The following PPP1R3B variants were observed in gnomAD, a reference collection of about 807,000 sequenced individuals.
PPP1R3B encodes the protein PP1 subunit R4.
A neutral mutation model predicts 14.6 loss-of-function variants in PPP1R3B; 8 were observed. That is an observed-to-expected ratio of 0.55 (90% confidence interval 0.32 to 0.99). The LOEUF (loss-of-function observed/expected upper bound fraction) is 0.99, where lower values mean the gene tolerates loss of function less well. Among genes scored for constraint, PPP1R3B ranks in the 50% least tolerant of loss-of-function variants. The pLI is 0.04. For missense variants in PPP1R3B, 452 were observed against 360.1 expected (o/e 1.26, Z -2.07); for synonymous variants, 169 against 142.0 (o/e 1.19, Z -1.35).
At chr8:9,142,818 G>A (rs967383297) in intron 1 of PPP1R3B, among the ~76,000 whole-genome samples, 23 of 152,106 alleles carry the variant, frequency 1.5e-4, no homozygotes, top group Admixed American at 1.3e-3. Context: ...GTTCATCCCC[G>A]TTGGCACAAA....
At chr8:9,148,258 A>C (rs1484559801) in intron 1 of PPP1R3B, among the ~76,000 whole-genome samples, 1 of 152,218 alleles carries the variant, frequency 6.6e-6, no homozygotes, top group African/African-American at 2.4e-5. Context: ...AAATGACATG[A>C]AAATGATCGG....
At position 9,141,620 on chromosome 8, in the gene PPP1R3B, T is replaced by C. The variant is rs751576940; in HGVS notation, c.32A>G (p.Asn11Ser). The C allele has an allele frequency of 2.5e-5, 41 of 1,613,736 alleles. No homozygotes were observed. Among genetic ancestry groups the C allele is most frequent in the Non-Finnish European group, 3.3e-5 (39 of 1,179,990 alleles). ...TTGGCGCAAGGAAGGAGCCATGCAGTTGTATCTGTACTCGATGTCCACAGC... is the reference window on the plus strand; with the variant it reads ...TTGGCGCAAGGAAGGAGCCATGCAGCTGTATCTGTACTCGATGTCCACAGC... The part of the protein sequence containing the change: MMAVDIEYRY[N>S]CMAPSLRQER... Residue 11 changes from asparagine to serine, a missense_variant, in exon 2 of 2, where the codon AAC becomes AGC. Asn to Ser is a conservative substitution (Grantham distance 46). Transcript: ENST00000310455.
At chr8:9,144,529 A>G (rs941569418) in intron 1 of PPP1R3B, among the ~76,000 whole-genome samples, 1 of 152,148 alleles carries the variant, frequency 6.6e-6, no homozygotes, top group East Asian at 1.9e-4. Flanking sequence ...AATTGGTACA[A>G]ACTTTCTAAT....
intron 1 of PPP1R3B, among the ~76,000 whole-genome samples, chr8:9,147,649 C>G (rs903272305): frequency 1.3e-5 from 2 of 151,972 alleles, no homozygotes; most frequent in Non-Finnish European, 2.9e-5. Context: ...AGAGACTTAG[C>G]TGAAGACCTT....
At chr8:9,147,383 C>A (rs568640670) in intron 1 of PPP1R3B, among the ~76,000 whole-genome samples, 1 of 152,124 alleles carries the variant, frequency 6.6e-6, no homozygotes, top group Non-Finnish European at 1.5e-5. Flanking sequence ...CCTGAAAAAT[C>A]TGGGTGTGAA....
rs572876230 is a variant in PPP1R3B, at chr8:9,140,661, A to G, written c.*133T>C. 11 of 865,580 alleles carry G rather than the reference A, an allele frequency of 1.3e-5. No homozygotes were observed. The East Asian group carries it at 2.6e-4, about 20-fold the overall frequency. The allele number at this position is 865,580 out of a possible 1,614,324, so 53.6% of individuals were successfully genotyped here. A position where few individuals can be genotyped will look rare whatever the true frequency, so the allele number is the denominator to read the frequency against. Reference sequence around the variant, plus strand: ...GCTGTTTAAGAAAGAAGTGAAGAGGATCCTTTTATTTTCCCAAACGGGGCC... The same window carrying G: ...GCTGTTTAAGAAAGAAGTGAAGAGGGTCCTTTTATTTTCCCAAACGGGGCC... On this transcript the variant is annotated 3_prime_UTR_variant, in exon 2 of 2. Coordinates refer to ENST00000310455, the MANE Select transcript of PPP1R3B (RefSeq NM_024607.4).
intron 1 of PPP1R3B, chr8:9,145,523 G>A (rs572813093): frequency 3.9e-5 from 6 of 152,322 alleles, no homozygotes; most frequent in Non-Finnish European, 7.3e-5. Context: ...GACTGTTGAT[G>A]TTATTGGTAA....
intron 1 of PPP1R3B, among the ~76,000 whole-genome samples, chr8:9,146,376 G>A (rs1801241231): frequency 6.6e-6 from 1 of 152,130 alleles, no homozygotes; most frequent in African/African-American, 2.4e-5. Flanking sequence ...AAGCAGCCAT[G>A]GCCACCCCTG....
At chr8:9,150,056 T>C (rs1297145543) in intron 1 of PPP1R3B, among the ~76,000 whole-genome samples, 1 of 152,198 alleles carries the variant, frequency 6.6e-6, no homozygotes, top group Non-Finnish European at 1.5e-5. Flanking sequence ...TAACTTTTTT[T>C]CCTAAATACC....
In PPP1R3B at chr8:9,140,729, A is replaced by C; in HGVS notation, c.*65T>G. ...TGCTCCTCCCTGGCCTTCCATCTCC[A>C]CTGCACAGTGAGCAGAGCTAGGCTT... is the stretch of plus-strand genomic sequence containing the variant. On this transcript the variant is annotated 3_prime_UTR_variant, in exon 2 of 2. Coordinates refer to ENST00000310455, the MANE Select transcript of PPP1R3B (RefSeq NM_024607.4). 1 of 1,564,694 alleles carries C rather than the reference A, an allele frequency of 6.4e-7. No individual in the cohort carries two copies.
At position 9,148,925 on chromosome 8, in the gene PPP1R3B, C is replaced by T. The variant is rs1391486876; in HGVS notation, c.-18+1638G>A. Among the ~76,000 whole-genome samples the T allele has an allele frequency of 5.9e-5, 9 of 152,238 alleles. No homozygotes were observed. The South Asian group carries it at 1.7e-3, about 28-fold the overall frequency. On this transcript the variant is annotated intron_variant, in intron 1 of 1. Transcript: ENST00000310455. ...CAAAAAGGCCGGGCGTGGTGGCTCA[C>T]GCCTGTAATCCCAGCACTTTGGGAG...
intron 1 of PPP1R3B, among the ~76,000 whole-genome samples, chr8:9,146,649 G>C (rs1801250013): frequency 6.6e-6 from 1 of 152,158 alleles, no homozygotes; most frequent in Non-Finnish European, 1.5e-5. Context: ...CTTATGGCCA[G>C]AATGCAGGTG....
At position 9,140,440 on chromosome 8, in the gene PPP1R3B, G is replaced by A; in HGVS notation, c.*354C>T. On this transcript the variant is annotated 3_prime_UTR_variant, in exon 2 of 2. Transcript: ENST00000310455. ...GGCTGAGTGGCTTTTGGCGACTGATGTCCCACATCTGAGTGGAGAGCAGAG... is the reference window on the plus strand; with the variant it reads ...GGCTGAGTGGCTTTTGGCGACTGATATCCCACATCTGAGTGGAGAGCAGAG... The A allele has an allele frequency of 3.7e-6, 1 of 269,510 alleles. No homozygotes were observed. Among genetic ancestry groups the A allele is most frequent in the Non-Finnish European group, 7.0e-6 (1 of 142,264 alleles). The allele number at this position is 269,510 out of a possible 1,614,324, so 16.7% of individuals were successfully genotyped here. A position where few individuals can be genotyped will look rare whatever the true frequency, so the allele number is the denominator to read the frequency against.
rs908550412 is a variant in PPP1R3B at position 9,138,919 on chromosome 8, C to G, written c.*1875G>C. The stretch of plus-strand genomic sequence containing the variant: ...TTGGGGCCTATCTGATAATGACTGT[C>G]CCGGAAGTCTCTCTTTTTTGAGACA... On this transcript the variant is annotated 3_prime_UTR_variant, in exon 2 of 2. Transcript: ENST00000310455. 1.3e-5 allele frequency: 2 copies of G among 152,062 alleles called. No individual in the cohort carries two copies. The highest frequency in any genetic ancestry group is 4.2e-4 in the South Asian group (2 of 4,812). 9.4% of individuals were successfully genotyped at this position (152,062 alleles called of 1,614,324 possible).
rs1213516577 is a variant in PPP1R3B at position 9,136,305 on chromosome 8, C to T, written c.*4489G>A. The T allele has an allele frequency of 2.0e-5, 3 of 152,230 alleles. No homozygotes were observed. Among genetic ancestry groups the T allele is most frequent in the Non-Finnish European group, 4.4e-5 (3 of 68,034 alleles). The allele number at this position is 152,230 out of a possible 1,614,324, so 9.4% of individuals were successfully genotyped here. Reference sequence around the variant, plus strand: ...TTTTTGCTTTTGAGATACAAACCAACCTCTCATACCACACAAAGAACATCC... The same window carrying T: ...TTTTTGCTTTTGAGATACAAACCAATCTCTCATACCACACAAAGAACATCC... On this transcript the variant is annotated 3_prime_UTR_variant, in exon 2 of 2. Coordinates refer to ENST00000310455, the MANE Select transcript of PPP1R3B (RefSeq NM_024607.4).
In PPP1R3B at chr8:9,140,894, C is replaced by A; in HGVS notation, c.758G>T (p.Gly253Val). 1 of 1,614,210 alleles carries A rather than the reference C, an allele frequency of 6.2e-7. No individual in the cohort carries two copies. The highest frequency in any genetic ancestry group is 8.5e-7 in the Non-Finnish European group (1 of 1,180,032). Reference sequence around the variant, plus strand: ...GCTTCCGAACTGGTCAAAGGATATTCCCAAATCCGGTCCACTGTGGGGCTT... The same window carrying A: ...GCTTCCGAACTGGTCAAAGGATATTACCAAATCCGGTCCACTGTGGGGCTT... ...MTKPHSGPDL[G>V]ISFDQFGSPR... The change falls in exon 2 of 2, where the codon GGA becomes GTA. Residue 253 changes from glycine to valine, a missense_variant. By Grantham distance (109) the Gly-to-Val change is moderately radical (BLOSUM62 -3). Transcript: ENST00000310455.
At chr8:9,148,059 A>G (rs911140157) in intron 1 of PPP1R3B, among the ~76,000 whole-genome samples, 2 of 152,134 alleles carry the variant, frequency 1.3e-5, no homozygotes, top group African/African-American at 4.8e-5. Flanking sequence ...TTTATTTACC[A>G]GGTCATTCTC....
At position 9,136,435 on chromosome 8, in the gene PPP1R3B, A is replaced by G. The variant is rs1800891437; in HGVS notation, c.*4359T>C. The G allele has an allele frequency of 6.6e-6, 1 of 152,252 alleles. No individual in the cohort carries two copies. Among genetic ancestry groups the G allele is most frequent in the Admixed American group, 6.5e-5 (1 of 15,286 alleles). The allele number at this position is 152,252 out of a possible 1,614,324, so 9.4% of individuals were successfully genotyped here. The stretch of plus-strand genomic sequence containing the variant: ...CTTGACAAGGCACTTTTAGGTATAA[A>G]ATGAAGATGAGTCCTTGGTTCTACA... On this transcript the variant is annotated 3_prime_UTR_variant, in exon 2 of 2. Coordinates refer to ENST00000310455, the MANE Select transcript of PPP1R3B (RefSeq NM_024607.4).
chr8:9,147,076 G>A (rs12544117), intron 1 of PPP1R3B, among the ~76,000 whole-genome samples: 22,592 of 151,656 alleles, frequency 0.15, 1,982 homozygotes, highest in Admixed American at 0.17. Context: ...TCTGCCATCC[G>A]GGTTCAAGCG....
Sources: gnomAD v4.1 joint callset for allele counts (sites outside exome capture counted in the v4.1 genomes callset) on GRCh38, gnomAD v4.1.1 for gene constraint, MANE v1.5 for transcripts, NCBI Gene and HGNC (gene_info 2026-07-23, HGNC 2026-07-21) for gene names.